WWOX: variants seen among roughly 807,000 people sequenced by gnomAD.
WWOX encodes WW domain containing oxidoreductase, also known as WW domain-containing oxidoreductase.
A neutral mutation model predicts 46.2 loss-of-function variants in WWOX; 69 were observed. The observed-to-expected ratio is 1.49, with a 90% confidence interval of 1.23 to 1.82. WWOX has a LOEUF of 1.82. WWOX is among the 40% of genes most tolerant of loss of function. The pLI is 0.00. For missense variants in WWOX, 919 were observed against 542.6 expected (o/e 1.69, Z -6.89); for synonymous variants, 359 against 202.6 (o/e 1.77, Z -6.56).
At chr16:79,087,343 C>T (rs2048872469) in intron 8 of WWOX, among the ~76,000 whole-genome samples, 2 of 152,214 alleles carry the variant, frequency 1.3e-5, no homozygotes, top group Non-Finnish European at 2.9e-5. Flanking sequence ...CTGAAGCTAG[C>T]ATGGGCAGGG....
chr16:78,745,772 C>A lies in WWOX; in HGVS notation c.1056+313020C>A, dbSNP rs12597075. ...TCCCTCTTCCTCCTCTTTTTCCCCC[C>A]CCTTCAAATAGTTCCAAGACCAGAG... On this transcript the variant is annotated intron_variant, in intron 8 of 8. Coordinates refer to ENST00000566780, the MANE Select transcript of WWOX (RefSeq NM_016373.4). 5.1e-3 allele frequency among the ~76,000 whole-genome samples: 776 copies of A among 151,514 alleles called. 8 individuals carry two copies. The highest frequency in any genetic ancestry group is 0.017 in the Middle Eastern group (5 of 294).
intron 8 of WWOX, among the ~76,000 whole-genome samples, chr16:78,841,043 C>A (rs1546838): frequency 1.3e-5 from 2 of 151,888 alleles, no homozygotes; most frequent in Admixed American, 6.6e-5. Flanking sequence ...TCCAATATAA[C>A]AAAGAACTGC....
chr16:78,591,354 C>A (rs11859483), intron 8 of WWOX, among the ~76,000 whole-genome samples: 1,523 of 152,270 alleles, frequency 0.01, 26 homozygotes, highest in African/African-American at 0.035. Context: ...GCATCTGGGA[C>A]CACCAGGATT....
intron 8 of WWOX, among the ~76,000 whole-genome samples, chr16:78,906,538 C>G (rs891017987): frequency 1.3e-5 from 2 of 152,116 alleles, no homozygotes; most frequent in Non-Finnish European, 2.9e-5. Flanking sequence ...GCAGGGTAGT[C>G]CACGGCTTCC....
intron 5 of WWOX, chr16:78,179,743 A>T (rs557225380): frequency 1.1e-4 from 16 of 152,362 alleles, no homozygotes; most frequent in Admixed American, 9.8e-4. Flanking sequence ...AACAGCCGAG[A>T]GATGAAATGC....
At chr16:78,237,402 T>C (rs1385900284) in intron 5 of WWOX, 3 of 152,168 alleles carry the variant, frequency 2.0e-5, no homozygotes, top group African/African-American at 4.8e-5. Flanking sequence ...TTTTGAAAAA[T>C]TGAGTAGGAA....
At chr16:78,452,623 G>C (rs1407937283) in intron 8 of WWOX, among the ~76,000 whole-genome samples, 3 of 149,142 alleles carry the variant, frequency 2.0e-5, no homozygotes. Context: ...CTGTAGGCAT[G>C]CACTACCACA....
chr16:78,450,397 G>C (rs1200019533), intron 8 of WWOX, among the ~76,000 whole-genome samples: 1 of 152,156 alleles, frequency 6.6e-6, no homozygotes, highest in African/African-American at 2.4e-5. Context: ...AGTACTGAGA[G>C]AGAAATCTTT....
intron 8 of WWOX, among the ~76,000 whole-genome samples, chr16:79,073,336 T>C (rs1192085358): frequency 6.6e-6 from 1 of 152,014 alleles, no homozygotes; most frequent in African/African-American, 2.4e-5. Flanking sequence ...CACGCCGCCA[T>C]GCCCGGCTAC....
intron 8 of WWOX, among the ~76,000 whole-genome samples, chr16:78,920,282 C>A (rs1045891848): frequency 6.6e-6 from 1 of 152,192 alleles, no homozygotes; most frequent in Admixed American, 6.5e-5. Flanking sequence ...ACACAGTGAC[C>A]TGGTCACTCT....
chr16:78,584,696 G>C (rs1480505057), intron 8 of WWOX, among the ~76,000 whole-genome samples: 2 of 152,216 alleles, frequency 1.3e-5, no homozygotes, highest in South Asian at 2.1e-4. Flanking sequence ...CCATGTGAGA[G>C]AAGTCAGAAT....
chr16:78,672,785 C>G (rs568244633), intron 8 of WWOX, among the ~76,000 whole-genome samples: 9 of 152,322 alleles, frequency 5.9e-5, no homozygotes, highest in Non-Finnish European at 1.2e-4. Context: ...GGCCTGACAG[C>G]TCTTGAGTTT....
At chr16:78,918,088 GCTA>G (rs1223417128) in intron 8 of WWOX, among the ~76,000 whole-genome samples, 1 of 151,980 alleles carries the variant, frequency 6.6e-6, no homozygotes, top group Non-Finnish European at 1.5e-5. Flanking sequence ...TGTAGTCCCA[GCTA>G]CTCAGGAGGC....
intron 8 of WWOX, among the ~76,000 whole-genome samples, chr16:78,593,722 T>C (rs919614750): frequency 1.1e-5 from 1 of 94,828 alleles, no homozygotes; most frequent in Admixed American, 1.3e-4. Flanking sequence ...CTGCCTGTTG[T>C]AGTTAAAAAA....
At position 78,658,803 on chromosome 16, in the gene WWOX, A is replaced by G. The variant is rs189606843; in HGVS notation, c.1056+226051A>G. ...AGATTCCATTTCTAAATAAGATCAC[A>G]TGCTAGGGCTGGGCACGGTGGCTCA... On this transcript the variant is annotated intron_variant, in intron 8 of 8. Coordinates refer to ENST00000566780, the MANE Select transcript of WWOX (RefSeq NM_016373.4). 8.4e-3 allele frequency among the ~76,000 whole-genome samples: 1,282 copies of G among 151,936 alleles called. 16 individuals carry two copies. The highest frequency in any genetic ancestry group is 0.014 in the Non-Finnish European group (932 of 67,978).
At chr16:78,355,385 G>C in intron 5 of WWOX, 1 of 233,164 alleles carries the variant, frequency 4.3e-6, no homozygotes, top group Non-Finnish European at 8.5e-6. Context: ...GGCGAATCAC[G>C]AGGTCAGGAG....
At chr16:78,770,041 C>G (rs1413993631) in intron 8 of WWOX, among the ~76,000 whole-genome samples, 1 of 151,460 alleles carries the variant, frequency 6.6e-6, no homozygotes, top group East Asian at 2.0e-4. Flanking sequence ...GAGACCGTGT[C>G]TTTAAGTAAA....
At chr16:79,056,741 T>C (rs141636058) in intron 8 of WWOX, among the ~76,000 whole-genome samples, 1 of 152,334 alleles carries the variant, frequency 6.6e-6, no homozygotes, top group Non-Finnish European at 1.5e-5. Flanking sequence ...CGTATCCCTT[T>C]AACTCAAGAA....
At chr16:78,379,020 C>G (rs1378876987) in intron 5 of WWOX, among the ~76,000 whole-genome samples, 1 of 152,180 alleles carries the variant, frequency 6.6e-6, no homozygotes, top group Non-Finnish European at 1.5e-5. Context: ...CAGTTGGCAA[C>G]ACGTATCTGT....
Sources: allele counts gnomAD v4.1 joint callset (sites outside exome capture counted in the v4.1 genomes callset), GRCh38; gene constraint gnomAD v4.1.1; transcripts MANE v1.5; gene names NCBI Gene and HGNC (gene_info 2026-07-23, HGNC 2026-07-21).